The following DAB1 variants were observed in gnomAD, a reference collection of about 807,000 sequenced individuals.
DAB1 encodes the protein disabled homolog 1.
Under a neutral mutation model 64.6 loss-of-function variants are expected in DAB1, and 15 were observed. That is an observed-to-expected ratio of 0.23 (90% CI 0.16 to 0.36). DAB1 has a LOEUF of 0.36. Among genes scored for constraint, DAB1 ranks in the 10% least tolerant of loss-of-function variants. The pLI, the probability that DAB1 is intolerant of heterozygous loss-of-function variation, is 1.00. For missense variants in DAB1, 596 were observed against 706.7 expected, an observed-to-expected ratio of 0.84 and a Z score of 1.78; for synonymous variants, 235 against 251.9, an observed-to-expected ratio of 0.93 and a Z score of 0.64.
chr1:57,961,173 G>A (rs1162763409), intron 5 of DAB1, among the ~76,000 whole-genome samples: 1 of 152,122 alleles, frequency 6.6e-6, no homozygotes, highest in African/African-American at 2.4e-5. Flanking sequence ...TATAATTCAA[G>A]GTGAAAACCG....
At chr1:58,061,312 A>C (rs2100551204) in intron 5 of DAB1, among the ~76,000 whole-genome samples, 1 of 152,276 alleles carries the variant, frequency 6.6e-6, no homozygotes, top group East Asian at 1.9e-4. Context: ...CAACAATAGC[A>C]TTTACTGCCT....
At chr1:58,334,848 G>A (rs551468814) in intron 4 of DAB1, among the ~76,000 whole-genome samples, 10 of 151,854 alleles carry the variant, frequency 6.6e-5, no homozygotes, top group East Asian at 1.9e-4. Context: ...GAAGGAATAC[G>A]TGAACCAATG....
intron 1 of DAB1, among the ~76,000 whole-genome samples, chr1:57,295,090 G>A (rs1673080226): frequency 6.6e-6 from 1 of 152,144 alleles, no homozygotes; most frequent in African/African-American, 2.4e-5. Flanking sequence ...ATAAGGTTGA[G>A]GAACTGCTTA....
In DAB1 at chr1:58,164,362, T is replaced by C. The variant is rs972249860; in HGVS notation, n.310-13774A>G. On this transcript the variant is annotated intron_variant and non_coding_transcript_variant, in intron 4 of 20. Coordinates refer to the DAB1 transcript ENST00000485760. ...TATTTTGCAAAGTTGGCTTGGGAGA[T>C]ACTGAAATCAGTGGTGAGTATGTGT... Among the ~76,000 whole-genome samples the C allele has an allele frequency of 2.0e-5, 3 of 152,202 alleles. No homozygotes were observed. The East Asian group carries it at 5.8e-4, about 29-fold the overall frequency.
intron 2 of DAB1, among the ~76,000 whole-genome samples, chr1:57,222,897 T>G (rs1206347278): frequency 6.6e-6 from 1 of 152,182 alleles, no homozygotes; most frequent in Non-Finnish European, 1.5e-5. Flanking sequence ...TAATTTGCAC[T>G]TGTTCATACT....
At chr1:57,657,080 C>A (rs1570711695) in intron 6 of DAB1, among the ~76,000 whole-genome samples, 1 of 152,174 alleles carries the variant, frequency 6.6e-6, no homozygotes, top group South Asian at 2.1e-4. Context: ...GGGCTTAGAA[C>A]CCCAGCATCT....
At chr1:58,176,064 C>G (rs535523218) in intron 4 of DAB1, among the ~76,000 whole-genome samples, 11 of 152,194 alleles carry the variant, frequency 7.2e-5, no homozygotes, top group Non-Finnish European at 1.2e-4. Flanking sequence ...AGCCATCACT[C>G]TCTCCAGACA....
chr1:57,629,342 A>G (rs1456179367), intron 7 of DAB1, among the ~76,000 whole-genome samples: 1 of 152,180 alleles, frequency 6.6e-6, no homozygotes, highest in Non-Finnish European at 1.5e-5. Flanking sequence ...TCATGTGACC[A>G]CTGGCTGCAG....
chr1:58,473,402 C>T (rs1354433591), intron 3 of DAB1, among the ~76,000 whole-genome samples: 3 of 151,682 alleles, frequency 2.0e-5, no homozygotes, highest in African/African-American at 4.8e-5. Flanking sequence ...ATTAGCCGGG[C>T]GCGGTGGCGG....
chr1:58,161,860 C>T (rs1655555163), intron 4 of DAB1, among the ~76,000 whole-genome samples: 1 of 151,778 alleles, frequency 6.6e-6, no homozygotes, highest in Non-Finnish European at 1.5e-5. Flanking sequence ...CGATGGAGAC[C>T]CATTTAAGGC....
chr1:58,031,715 G>A (rs567774708), intron 5 of DAB1, among the ~76,000 whole-genome samples: 2 of 152,294 alleles, frequency 1.3e-5, no homozygotes, highest in Admixed American at 1.3e-4. Flanking sequence ...CTATTAACAT[G>A]TGCCCTAAGC....
At chr1:58,074,567 T>TAC (rs1649512681) in intron 5 of DAB1, 5 of 10,264 alleles carry the variant, frequency 4.9e-4, no homozygotes, top group African/African-American at 9.2e-4. Context: ...TATGTGTGTA[T>TAC]ATATATATAT....
intron 14 of DAB1, among the ~76,000 whole-genome samples, chr1:56,999,701 A>T (rs1182268329): frequency 6.6e-6 from 1 of 152,156 alleles, no homozygotes; most frequent in Non-Finnish European, 1.5e-5. Context: ...AAGTCCTGTG[A>T]AGACAGCTTT....
intron 1 of DAB1, among the ~76,000 whole-genome samples, chr1:57,881,855 C>T (rs908981988): frequency 6.6e-6 from 1 of 152,136 alleles, no homozygotes; most frequent in African/African-American, 2.4e-5. Context: ...TTACAGTGAA[C>T]ATTTAATTTG....
At chr1:57,999,536 G>C (rs998276305) in intron 5 of DAB1, among the ~76,000 whole-genome samples, 7 of 152,184 alleles carry the variant, frequency 4.6e-5, no homozygotes, top group African/African-American at 1.7e-4. Context: ...GGACAGACTA[G>C]AGCCTCTCTC....
intron 4 of DAB1, among the ~76,000 whole-genome samples, chr1:57,080,281 A>C (rs1652375032): frequency 6.6e-6 from 1 of 152,190 alleles, no homozygotes; most frequent in Admixed American, 6.5e-5. Flanking sequence ...TAAATTTGTC[A>C]GTAAACATTT....
intron 3 of DAB1, among the ~76,000 whole-genome samples, chr1:58,403,440 T>C (rs1236321955): frequency 6.6e-6 from 1 of 152,246 alleles, no homozygotes. Flanking sequence ...TTCCTTTTAA[T>C]GTCCCAGTAT....
intron 1 of DAB1, among the ~76,000 whole-genome samples, chr1:57,419,447 A>G (rs1570490616): frequency 6.6e-6 from 1 of 151,490 alleles, no homozygotes; most frequent in East Asian, 1.9e-4. Flanking sequence ...TACTTCCACA[A>G]CTCCTCTTCA....
intron 1 of DAB1, chr1:58,534,069 C>T: frequency 1.2e-6 from 1 of 869,002 alleles, no homozygotes; most frequent in South Asian, 1.3e-5. Flanking sequence ...TTCTGCACCA[C>T]AAAGAAAATA....
Sources: gnomAD v4.1 joint callset for allele counts (sites outside exome capture counted in the v4.1 genomes callset) on GRCh38, gnomAD v4.1.1 for gene constraint, MANE v1.5 for transcripts, NCBI Gene and HGNC (gene_info 2026-07-23, HGNC 2026-07-21) for gene names.